The following DIS3L2 variants were observed in gnomAD, a reference collection of about 807,000 sequenced individuals.
DIS3L2 encodes DIS3-like exonuclease 2.
In DIS3L2, 34 loss-of-function variants were observed where a neutral mutation model predicts 97.5. The observed-to-expected ratio is 0.35, with a 90% CI of 0.27 to 0.46. The LOEUF (loss-of-function observed/expected upper bound fraction) is 0.46. Ranked by LOEUF, DIS3L2 falls within the 20% of genes least tolerant of loss-of-function variation. The pLI, the probability that DIS3L2 is intolerant of heterozygous loss-of-function variation, is 1.00. For synonymous variants in DIS3L2, 435 were observed against 445.2 expected (o/e 0.98, Z 0.29); for missense variants, 1,038 against 1,146.0 (o/e 0.91, Z 1.36).
intron 16 of DIS3L2, among the ~76,000 whole-genome samples, chr2:232,333,342 C>T (rs961583736): frequency 2.9e-4 from 40 of 138,724 alleles, no homozygotes; most frequent in African/African-American, 1.0e-3. Context: ...CGCTACCTTT[C>T]TTTCTTCTTC....
rs535309530 is a variant in DIS3L2 at position 232,334,154 on chromosome 2, G to A, written c.2158+167G>A. On this transcript the variant is annotated intron_variant, in intron 17 of 20. Transcript: ENST00000325385. Reference sequence around the variant, plus strand: ...GGCCTGGAAACTCTCCCTACGGGCCGGTGCTGCAGAAGCTGCATGGAGCCC... The same window carrying A: ...GGCCTGGAAACTCTCCCTACGGGCCAGTGCTGCAGAAGCTGCATGGAGCCC... 7.2e-5 allele frequency among the ~76,000 whole-genome samples: 11 copies of A among 152,290 alleles called. No individual in the cohort carries two copies. In the East Asian group the frequency reaches 1.9e-3, roughly 27 times the overall value.
At chr2:232,189,830 G>T (rs1691560907) in intron 9 of DIS3L2, among the ~76,000 whole-genome samples, 1 of 152,076 alleles carries the variant, frequency 6.6e-6, no homozygotes, top group African/African-American at 2.4e-5. Context: ...TGGGTAAAGG[G>T]CACACAACAT....
chr2:232,046,566 G>C (rs562265622), intron 5 of DIS3L2, among the ~76,000 whole-genome samples: 1 of 152,298 alleles, frequency 6.6e-6, no homozygotes, highest in South Asian at 2.1e-4. Context: ...AGTGTAACTT[G>C]TTGGGGCTTC....
intron 1 of DIS3L2, among the ~76,000 whole-genome samples, chr2:231,967,877 A>T (rs1369569552): frequency 6.6e-6 from 1 of 152,184 alleles, no homozygotes; most frequent in Non-Finnish European, 1.5e-5. Context: ...GGTTAAGACC[A>T]TATTTTTTTG....
At chr2:232,048,902 A>G (rs1015971381) in intron 5 of DIS3L2, among the ~76,000 whole-genome samples, 26 of 152,214 alleles carry the variant, frequency 1.7e-4, no homozygotes, top group African/African-American at 3.9e-4. Flanking sequence ...TGTCTTTGCT[A>G]TATAGTTCTA....
chr2:232,205,507 G>A (rs1322015714), intron 9 of DIS3L2, among the ~76,000 whole-genome samples: 1 of 151,986 alleles, frequency 6.6e-6, no homozygotes, highest in Non-Finnish European at 1.5e-5. Flanking sequence ...TCACCATGTT[G>A]CCCAGGCTGG....
At chr2:232,085,216 A>G (rs1216612239) in intron 5 of DIS3L2, among the ~76,000 whole-genome samples, 2 of 152,154 alleles carry the variant, frequency 1.3e-5, no homozygotes, top group Non-Finnish European at 2.9e-5. Context: ...CACCCTCTCC[A>G]TTATTCTCTC....
At chr2:232,114,707 C>G (rs951471247) in intron 6 of DIS3L2, among the ~76,000 whole-genome samples, 1 of 152,064 alleles carries the variant, frequency 6.6e-6, no homozygotes, top group African/African-American at 2.4e-5. Context: ...CTGGAAGATA[C>G]AGAAAACTCA....
intron 10 of DIS3L2, among the ~76,000 whole-genome samples, chr2:232,230,972 T>C (rs564063693): frequency 6.6e-6 from 1 of 152,302 alleles, no homozygotes; most frequent in African/African-American, 2.4e-5. Flanking sequence ...TGTCATCACG[T>C]GACATGGTCT....
At chr2:232,139,470 C>T (rs1355518832) in intron 8 of DIS3L2, among the ~76,000 whole-genome samples, 1 of 151,846 alleles carries the variant, frequency 6.6e-6, no homozygotes. Flanking sequence ...AGGTGTTTTC[C>T]CTCGTCAGTA....
intron 13 of DIS3L2, among the ~76,000 whole-genome samples, chr2:232,285,113 G>GT (rs945431736): frequency 3.9e-5 from 6 of 151,922 alleles, no homozygotes; most frequent in South Asian, 2.1e-4. Context: ...GTTGTTTTGG[G>GT]TTTTTTTTCT....
At chr2:231,994,115 G>T (rs1693664098) in intron 1 of DIS3L2, among the ~76,000 whole-genome samples, 2 of 142,368 alleles carry the variant, frequency 1.4e-5, no homozygotes, top group East Asian at 2.1e-4. Flanking sequence ...ATGTCCAGTT[G>T]TTCCAGCACT....
At chr2:232,247,125 C>G (rs1274667030) in intron 11 of DIS3L2, among the ~76,000 whole-genome samples, 1 of 152,190 alleles carries the variant, frequency 6.6e-6, no homozygotes, top group Non-Finnish European at 1.5e-5. Context: ...ACTATCTGTA[C>G]AAAAGGCATT....
chr2:231,973,497 A>C (rs898097429), intron 1 of DIS3L2, among the ~76,000 whole-genome samples: 1 of 152,230 alleles, frequency 6.6e-6, no homozygotes, highest in Non-Finnish European at 1.5e-5. Flanking sequence ...AAATATGGGA[A>C]GACCTGACTA....
In DIS3L2 at chr2:232,336,576, T is replaced by TGAGAA. The variant is rs757759005; in HGVS notation, c.2606_2610dup (p.Glu871ArgfsTer47). 3 of 1,608,688 alleles carry TGAGAA rather than the reference T, an allele frequency of 1.9e-6. No individual in the cohort carries two copies. The African/African-American group carries it at 4.0e-5, about 22-fold the overall frequency. On this transcript the variant is annotated frameshift_variant, in exon 21 of 21. Coordinates refer to ENST00000325385, the MANE Select transcript of DIS3L2 (RefSeq NM_152383.5). LOFTEE classifies it low-confidence loss of function (END_TRUNC). Reference sequence around the variant, plus strand: ...CAGGCACCCAGGGCCACCTGGGCCCTGAGAAGGAGGAGGAGGAGTCTGACG... The same window carrying TGAGAA: ...CAGGCACCCAGGGCCACCTGGGCCCTGAGAAGAGAAGGAGGAGGAGGAGTCTGACG...
At position 232,086,634 on chromosome 2, in the gene DIS3L2, T is replaced by TATATATATGTGTATATATATATATACAC. The variant is rs1559613412; in HGVS notation, c.367-845_367-844insGTGTATATATATATATACACATATATAT. Among the ~76,000 whole-genome samples the TATATATATGTGTATATATATATATACAC allele has an allele frequency of 2.5e-3, 162 of 63,758 alleles. 4 individuals carry two copies. The highest frequency in any genetic ancestry group is 5.3e-3 in the Admixed American group (34 of 6,402). The allele number at this position is 63,758 out of a possible 152,430, so 41.8% of individuals were successfully genotyped here. On this transcript the variant is annotated intron_variant, in intron 5 of 20. Transcript: ENST00000325385. The stretch of plus-strand genomic sequence containing the variant: ...GTGTGTATATATATATATATACACA[T>TATATATATGTGTATATATATATATACAC]ATATATATATGTATATATATATATA...
At chr2:232,133,986 T>TTAAAAAAAAAAA (rs1574900504) in intron 7 of DIS3L2, among the ~76,000 whole-genome samples, 1 of 5,884 alleles carries the variant, frequency 1.7e-4, no homozygotes, top group African/African-American at 1.4e-3. Flanking sequence ...AGACTCTGTC[T>TTAAAAAAAAAAA]CAAAAAAAAA....
At chr2:232,111,629 ATAAAT>A (rs1697536627) in intron 6 of DIS3L2, among the ~76,000 whole-genome samples, 1 of 152,198 alleles carries the variant, frequency 6.6e-6, no homozygotes, top group African/African-American at 2.4e-5. Flanking sequence ...GATGTGACTA[ATAAAT>A]TTAATTTTTA....
intron 10 of DIS3L2, among the ~76,000 whole-genome samples, chr2:232,212,181 A>G (rs907768548): frequency 2.0e-5 from 3 of 152,254 alleles, no homozygotes; most frequent in African/African-American, 7.2e-5. Context: ...TCTCTGTTGC[A>G]TGCAGAGGCT....
Sources: allele counts gnomAD v4.1 joint callset (sites outside exome capture counted in the v4.1 genomes callset), GRCh38; gene constraint gnomAD v4.1.1; transcripts MANE v1.5; gene names NCBI Gene and HGNC (gene_info 2026-07-23, HGNC 2026-07-21).